Variants in ZEB1 observed in about 807,000 individuals in gnomAD.
The protein encoded by ZEB1 is zinc finger E-box-binding homeobox 1.
ZEB1 carries 21 observed loss-of-function variants against 84.9 expected under a neutral mutation model. That is an observed-to-expected ratio of 0.25 (90% CI 0.18 to 0.36). The LOEUF (loss-of-function observed/expected upper bound fraction) is 0.36. Ranked by LOEUF, ZEB1 falls within the 10% of genes least tolerant of loss-of-function variation. The pLI is 1.00. For synonymous variants in ZEB1, 420 were observed against 471.1 expected (o/e 0.89, Z 1.41); for missense variants, 1,104 against 1,330.2 (o/e 0.83, Z 2.65).
chr10:31,419,740 T>C (rs979189199), intron 1 of ZEB1, among the ~76,000 whole-genome samples: 2 of 152,202 alleles, frequency 1.3e-5, no homozygotes, highest in African/African-American at 2.4e-5. Context: ...TGCTTCATCT[T>C]GCCAAGGGTG....
chr10:31,408,902 A>C (rs867494662), intron 1 of ZEB1, among the ~76,000 whole-genome samples: 5,010 of 150,090 alleles, frequency 0.033, 269 homozygotes, highest in African/African-American at 0.12. Context: ...AATGGGATCT[A>C]ATTAAACTAA....
At chr10:31,344,688 T>G (rs2039992651) in intron 1 of ZEB1, among the ~76,000 whole-genome samples, 1 of 152,134 alleles carries the variant, frequency 6.6e-6, no homozygotes, top group African/African-American at 2.4e-5. Context: ...CACTTTGTGT[T>G]AGAAGAAAAG....
chr10:31,446,391 G>GT (rs1329091530), intron 1 of ZEB1, among the ~76,000 whole-genome samples: 1 of 151,816 alleles, frequency 6.6e-6, no homozygotes, highest in Non-Finnish European at 1.5e-5. Context: ...TTTTTGAAGG[G>GT]TTTTTTGTCT....
At chr10:31,495,963 G>GT (rs1409407509) in intron 3 of ZEB1, 125 bp downstream of exon 3, 1 of 1,017,944 alleles carries the variant, frequency 9.8e-7, no homozygotes, top group Non-Finnish European at 1.5e-6. Context: ...TTCCTTAAAT[G>GT]TTTAAGTACT....
chr10:31,525,841 AGAGT>A (rs2073326765), intron 8 of ZEB1, among the ~76,000 whole-genome samples: 1 of 152,236 alleles, frequency 6.6e-6, no homozygotes. Flanking sequence ...AGATCTAAGA[AGAGT>A]TAGAAAATCC....
At chr10:31,429,863 C>G (rs780218147) in intron 1 of ZEB1, among the ~76,000 whole-genome samples, 1 of 151,564 alleles carries the variant, frequency 6.6e-6, no homozygotes, top group East Asian at 2.0e-4. Flanking sequence ...CCTGCCTCAG[C>G]CTCCTGAGTA....
intron 8 of ZEB1, 87 bp downstream of exon 8, chr10:31,524,200 T>C (rs2072948185): frequency 7.0e-7 from 1 of 1,421,222 alleles, no homozygotes; most frequent in African/African-American, 1.7e-5. Flanking sequence ...AGAATTTTCT[T>C]TCTTTTTTTT....
At chr10:31,388,637 A>G (rs749470561) in intron 1 of ZEB1, among the ~76,000 whole-genome samples, 3 of 152,142 alleles carry the variant, frequency 2.0e-5, no homozygotes, top group Non-Finnish European at 4.4e-5. Flanking sequence ...AACTTAAAAG[A>G]TTTAAATCTT....
chr10:31,432,251 T>C (rs2057802134), intron 1 of ZEB1, among the ~76,000 whole-genome samples: 1 of 152,212 alleles, frequency 6.6e-6, no homozygotes, highest in Non-Finnish European at 1.5e-5. Flanking sequence ...ATGTATGCTG[T>C]ATGAATGAGG....
At chr10:31,375,663 T>C (rs964483883) in intron 1 of ZEB1, among the ~76,000 whole-genome samples, 6 of 151,698 alleles carry the variant, frequency 4.0e-5, no homozygotes, top group African/African-American at 1.4e-4. Context: ...TATGTTGGAG[T>C]GTAATGGCTT....
At chr10:31,510,627 T>C in intron 4 of ZEB1, 46 bp from the exon 5 acceptor site, 9 of 1,539,670 alleles carry the variant, frequency 5.8e-6, no homozygotes, top group Non-Finnish European at 8.0e-6. Flanking sequence ...TTTGGTAATA[T>C]TTTCTGAATG....
At chr10:31,391,829 A>G (rs775783304) in intron 1 of ZEB1, among the ~76,000 whole-genome samples, 1 of 152,160 alleles carries the variant, frequency 6.6e-6, no homozygotes, top group Non-Finnish European at 1.5e-5. Flanking sequence ...CTAAAATTAC[A>G]GTCATATTTT....
chr10:31,390,200 A>C (rs767792303), intron 1 of ZEB1, among the ~76,000 whole-genome samples: 1 of 152,200 alleles, frequency 6.6e-6, no homozygotes, highest in African/African-American at 2.4e-5. Flanking sequence ...TCGAAATTCA[A>C]ATTTGACTGG....
At chr10:31,357,832 C>G (rs1253528258) in intron 1 of ZEB1, among the ~76,000 whole-genome samples, 1 of 151,856 alleles carries the variant, frequency 6.6e-6, no homozygotes, top group Admixed American at 6.6e-5. Context: ...TTTTCAAGGA[C>G]TCAGTTTGTC....
intron 1 of ZEB1, among the ~76,000 whole-genome samples, chr10:31,448,759 AG>A (rs1389530982): frequency 6.6e-6 from 1 of 152,112 alleles, no homozygotes; most frequent in African/African-American, 2.4e-5. Context: ...TTGAGGAGGC[AG>A]TCTGCCCATT....
At position 31,502,352 on chromosome 10, in the gene ZEB1, A is replaced by G. The variant is rs1213281347; in HGVS notation, c.327A>G (p.Lys109=). 1 of 1,613,654 alleles carries G rather than the reference A, an allele frequency of 6.2e-7. No homozygotes were observed. Among genetic ancestry groups the G allele is most frequent in the East Asian group, 2.2e-5 (1 of 44,832 alleles). Residue 109 remains lysine, a synonymous_variant, in exon 4 of 9, where the codon AAA becomes AAG. Coordinates refer to ENST00000424869, the MANE Select transcript of ZEB1 (RefSeq NM_001174096.2). ...AAAAGTATGCATTTTTTTTAGTAAA[A>G]GATGATGAATGCGAGTCAGATGCAG... The part of the protein sequence containing the change: ...AQADEAGCTV[K]DDECESDAEN...
At chr10:31,324,486 T>C (rs757040242) in intron 1 of ZEB1, among the ~76,000 whole-genome samples, 5 of 152,064 alleles carry the variant, frequency 3.3e-5, no homozygotes, top group African/African-American at 4.8e-5. Context: ...ATTATATTGT[T>C]AGCTACTCTT....
chr10:31,363,569 C>T (rs867666681), intron 1 of ZEB1: 2 of 1,527,438 alleles, frequency 1.3e-6, no homozygotes, highest in Non-Finnish European at 1.8e-6. Flanking sequence ...TCTTTCACCT[C>T]TGTTGCTTCT....
chr10:31,402,725 A>G (rs913125458), intron 1 of ZEB1, among the ~76,000 whole-genome samples: 10 of 152,060 alleles, frequency 6.6e-5, no homozygotes, highest in Non-Finnish European at 1.0e-4. Context: ...TTATAATGAA[A>G]CAAGGATAAA....
Sources: allele counts gnomAD v4.1 joint callset (sites outside exome capture counted in the v4.1 genomes callset), GRCh38; gene constraint gnomAD v4.1.1; transcripts MANE v1.5; gene names NCBI Gene and HGNC (gene_info 2026-07-23, HGNC 2026-07-21).